Variants in EYS observed in about 807,000 individuals in gnomAD.
EYS encodes protein eyes shut homolog.
In EYS, 250 loss-of-function variants were observed where a neutral mutation model predicts 282.1. The observed-to-expected ratio is 0.89, with a 90% CI of 0.80 to 0.98. EYS has a LOEUF of 0.98. Ranked by LOEUF, EYS falls within the 50% of genes least tolerant of loss-of-function variation. The pLI, the probability that EYS is intolerant of heterozygous loss-of-function variation, is 0.00. For missense variants in EYS, 4,016 were observed against 3,709.0 expected, an observed-to-expected ratio of 1.08 and a Z score of -2.15; for synonymous variants, 1,355 against 1,282.9, an observed-to-expected ratio of 1.06 and a Z score of -1.20.
At chr6:64,045,402 ATTTTATT>A (rs1562172010) in intron 33 of EYS, among the ~76,000 whole-genome samples, 1 of 145,760 alleles carries the variant, frequency 6.9e-6, no homozygotes, top group East Asian at 2.0e-4. Context: ...ATTTTATTTT[ATTTTATT>A]TTATTTTATT....
At chr6:65,687,331 GT>G (rs2149841776) in intron 1 of EYS, among the ~76,000 whole-genome samples, 1 of 152,208 alleles carries the variant, frequency 6.6e-6, no homozygotes, top group South Asian at 2.1e-4. Flanking sequence ...TAACAGTCCA[GT>G]TGGAAATTTC....
intron 31 of EYS, among the ~76,000 whole-genome samples, chr6:64,097,477 T>G (rs528444282): frequency 6.6e-6 from 1 of 152,302 alleles, no homozygotes; most frequent in South Asian, 2.1e-4. Flanking sequence ...TCAGCCTCGC[T>G]TCTACCTTGC....
At chr6:65,511,809 T>C (rs113765047) in intron 2 of EYS, among the ~76,000 whole-genome samples, 4,475 of 151,798 alleles carry the variant, frequency 0.029, 226 homozygotes, top group African/African-American at 0.1. Context: ...ACAAACTAGC[T>C]GGGTGTGATG....
At chr6:65,271,230 A>C (rs1767895792) in intron 12 of EYS, among the ~76,000 whole-genome samples, 1 of 148,838 alleles carries the variant, frequency 6.7e-6, no homozygotes, top group Non-Finnish European at 1.5e-5. Flanking sequence ...TGCCAATTGG[A>C]GACCCAGAAA....
intron 5 of EYS, among the ~76,000 whole-genome samples, chr6:65,452,447 G>A (rs1395629112): frequency 6.6e-6 from 1 of 151,662 alleles, no homozygotes; most frequent in Admixed American, 6.6e-5. Flanking sequence ...ATGTATAGAA[G>A]CCACTAAGGT....
chr6:65,408,389 AC>A (rs1766844478), intron 5 of EYS, among the ~76,000 whole-genome samples: 1 of 151,988 alleles, frequency 6.6e-6, no homozygotes, highest in Non-Finnish European at 1.5e-5. Context: ...GAGGATTGGT[AC>A]TAATCTCTTA....
intron 12 of EYS, among the ~76,000 whole-genome samples, chr6:65,110,682 G>T (rs952520007): frequency 6.6e-6 from 1 of 151,794 alleles, no homozygotes; most frequent in Non-Finnish European, 1.5e-5. Flanking sequence ...TTTTAAAAAT[G>T]TGTATCTTTT....
chr6:64,261,371 C>T (rs1767582541), intron 30 of EYS, among the ~76,000 whole-genome samples: 1 of 152,154 alleles, frequency 6.6e-6, no homozygotes, highest in South Asian at 2.1e-4. Flanking sequence ...TTTTTTAATA[C>T]TGTTAGAGTT....
chr6:64,024,779 A>G (rs896682601), intron 33 of EYS, among the ~76,000 whole-genome samples: 1 of 152,088 alleles, frequency 6.6e-6, no homozygotes, highest in Non-Finnish European at 1.5e-5. Flanking sequence ...CTCCTGCGCC[A>G]GCGAGATCAC....
chr6:64,113,837 C>A (rs563364084), intron 31 of EYS, among the ~76,000 whole-genome samples: 3 of 152,104 alleles, frequency 2.0e-5, no homozygotes, highest in East Asian at 1.9e-4. Flanking sequence ...AAAACAGCTA[C>A]GAAAGTTGCT....
chr6:64,387,591 A>AACG (rs1772955019), intron 29 of EYS, among the ~76,000 whole-genome samples: 1 of 152,164 alleles, frequency 6.6e-6, no homozygotes, highest in Non-Finnish European at 1.5e-5. Context: ...ATGTGACAGG[A>AACG]ACTGTCCTTG....
intron 15 of EYS, among the ~76,000 whole-genome samples, chr6:64,933,624 C>T (rs189156180): frequency 2.6e-4 from 39 of 152,214 alleles, no homozygotes; most frequent in African/African-American, 7.9e-4. Context: ...CCAGCAATCC[C>T]ATTACTGGGT....
intron 30 of EYS, among the ~76,000 whole-genome samples, chr6:64,281,020 TA>T (rs1395084998): frequency 6.6e-6 from 1 of 152,148 alleles, no homozygotes; most frequent in Non-Finnish European, 1.5e-5. Flanking sequence ...GGAATATTTT[TA>T]TTAACTTTTC....
At chr6:65,286,358 C>T (rs1768366053) in intron 12 of EYS, among the ~76,000 whole-genome samples, 1 of 151,644 alleles carries the variant, frequency 6.6e-6, no homozygotes, top group Non-Finnish European at 1.5e-5. Context: ...TTGGAAGACT[C>T]AGTTTCATCC....
At chr6:64,255,063 T>C (rs540496939) in intron 30 of EYS, among the ~76,000 whole-genome samples, 1 of 152,226 alleles carries the variant, frequency 6.6e-6, no homozygotes, top group East Asian at 1.9e-4. Context: ...AAAAGAATAC[T>C]AATTGCTATA....
At chr6:65,203,857 A>G (rs1308659453) in intron 12 of EYS, among the ~76,000 whole-genome samples, 1 of 152,118 alleles carries the variant, frequency 6.6e-6, no homozygotes, top group African/African-American at 2.4e-5. Flanking sequence ...ATGAGATAAA[A>G]GACAAAATAG....
intron 30 of EYS, among the ~76,000 whole-genome samples, chr6:64,300,870 A>G (rs1258989184): frequency 6.6e-6 from 1 of 152,196 alleles, no homozygotes; most frequent in African/African-American, 2.4e-5. Context: ...CAGGTTGCTG[A>G]TTTCATTAAA....
intron 11 of EYS, among the ~76,000 whole-genome samples, chr6:65,319,075 T>C (rs1172084957): frequency 2.0e-5 from 3 of 150,844 alleles, no homozygotes; most frequent in Non-Finnish European, 4.4e-5. Context: ...ATGTCACTAT[T>C]TGGCTGGGTG....
intron 31 of EYS, among the ~76,000 whole-genome samples, chr6:64,132,498 C>A (rs1014568815): frequency 2.0e-5 from 3 of 151,706 alleles, no homozygotes; most frequent in African/African-American, 7.3e-5. Context: ...TTCATGTGTG[C>A]CTTTTCTTCT....
Sources: gnomAD v4.1 joint callset for allele counts (sites outside exome capture counted in the v4.1 genomes callset) on GRCh38, gnomAD v4.1.1 for gene constraint, MANE v1.5 for transcripts, NCBI Gene and HGNC (gene_info 2026-07-23, HGNC 2026-07-21) for gene names.